Variants in PPP2R5C observed in about 807,000 individuals in gnomAD.
PPP2R5C encodes the protein serine/threonine-protein phosphatase 2A 56 kDa regulatory subunit gamma isoform.
Under a neutral mutation model 68.9 loss-of-function variants are expected in PPP2R5C, and 7 were observed. That is an observed-to-expected ratio of 0.10 (90% CI 0.06 to 0.19). The LOEUF (loss-of-function observed/expected upper bound fraction) is 0.19. PPP2R5C is among the 10% of genes least tolerant of loss of function. PPP2R5C has a pLI of 1.00. For missense variants in PPP2R5C, 348 were observed against 641.3 expected (o/e 0.54, Z 4.94); for synonymous variants, 210 against 222.2 (o/e 0.95, Z 0.49).
At chr14:101,919,992 A>G (rs969742531) in intron 13 of PPP2R5C, among the ~76,000 whole-genome samples, 3 of 149,110 alleles carry the variant, frequency 2.0e-5, no homozygotes, top group Admixed American at 2.0e-4. Context: ...AAAAAAAAAA[A>G]CCAATTCTTA....
At position 101,909,702 on chromosome 14, in the gene PPP2R5C, C is replaced by T; in HGVS notation, c.1253+12C>T. 2 of 1,547,036 alleles carry T rather than the reference C, an allele frequency of 1.3e-6. No individual in the cohort carries two copies. Among genetic ancestry groups the T allele is most frequent in the Non-Finnish European group, 1.8e-6 (2 of 1,123,620 alleles). ...GCAGAGAAACTAAAGTGAGTTGTTC[C>T]TTTCACAAGTTACTGTTTCCAGGAT... On this transcript the variant is annotated intron_variant, in intron 11 of 13. Transcript: ENST00000334743.
chr14:101,925,260 G>T, exon 14 of PPP2R5C: 2 of 1,613,064 alleles, frequency 1.2e-6, no homozygotes, highest in East Asian at 4.5e-5. Context: ...TGGCCTCCCA[G>T]GACGGCCGCT....
Position 101,883,315 on chromosome 14 carries a change from C to T in PPP2R5C, c.464C>T (p.Ala155Val), listed in dbSNP as rs748009220. 19 of 1,596,118 alleles carry T rather than the reference C, an allele frequency of 1.2e-5. No individual in the cohort carries two copies. Among genetic ancestry groups the T allele is most frequent in the East Asian group, 4.5e-5 (2 of 44,786 alleles). Residue 155 changes from alanine (A) to valine (V), a missense_variant, in exon 4 of 14, where the codon GCG becomes GTG. Physicochemically the swap from Ala to Val is moderately conservative, Grantham distance 64 (BLOSUM62 0). This residue lies in a region of PPP2R5C where 54 missense variants were observed against 201.8 expected (regional missense o/e 0.27). Transcript: ENST00000334743. ...TCTCCAGATTTCCAACCTAATATAG[C>T]GAAGAAATATATTGATCAGAAGTTT...
At chr14:101,777,977 C>T (rs2037506070) in intron 2 of PPP2R5C, among the ~76,000 whole-genome samples, 1 of 151,872 alleles carries the variant, frequency 6.6e-6, no homozygotes, top group Non-Finnish European at 1.5e-5. Flanking sequence ...ACTATATTGC[C>T]CAGACTGGTC....
At position 101,882,650 on chromosome 14, in the gene PPP2R5C, T is replaced by C. The variant is rs893028433; in HGVS notation, c.405+379T>C. ...CTGGCCACTGCCTTTCCCCAGGGCATTTGTAAGGCAGAAGGTTGGTTGGCA... is the reference window on the plus strand; with the variant it reads ...CTGGCCACTGCCTTTCCCCAGGGCACTTGTAAGGCAGAAGGTTGGTTGGCA... On this transcript the variant is annotated intron_variant, in intron 3 of 13. Transcript: ENST00000334743. This position sits in a 1 kb window ranked among gnomAD's most constrained non-coding sequence, Gnocchi z 4.9. 26 of 171,118 alleles carry C rather than the reference T, an allele frequency of 1.5e-4. No homozygotes were observed. Among genetic ancestry groups the C allele is most frequent in the African/African-American group, 4.8e-4 (20 of 42,096 alleles). 10.6% of individuals were successfully genotyped at this position (171,118 alleles called of 1,614,324 possible). A position where few individuals can be genotyped will look rare whatever the true frequency, so the allele number is the denominator to read the frequency against.
rs567467149 is a variant in PPP2R5C, at chr14:101,787,716, G to A, written c.259+1533G>A. 3.4e-5 allele frequency among the ~76,000 whole-genome samples: 5 copies of A among 146,100 alleles called. No individual in the cohort carries two copies. In the East Asian group the frequency reaches 1.0e-3, roughly 30 times the overall value. ...CGGGAGGCAGAGCTTGCAGTGAGCTGAGATCGTGCCACTGCACTCCAGCCT... is the reference window on the plus strand; with the variant it reads ...CGGGAGGCAGAGCTTGCAGTGAGCTAAGATCGTGCCACTGCACTCCAGCCT... On this transcript the variant is annotated intron_variant, in intron 3 of 14. Transcript: ENST00000328724.
exon 14 of PPP2R5C, chr14:101,926,800 C>T (rs993105972): frequency 2.0e-5 from 3 of 152,202 alleles, no homozygotes; most frequent in African/African-American, 7.2e-5. Context: ...ACTGCTGTCA[C>T]TTCAAGCCAC....
chr14:101,840,250 G>A (rs1190035400), intron 1 of PPP2R5C, among the ~76,000 whole-genome samples: 2 of 151,888 alleles, frequency 1.3e-5, no homozygotes, highest in East Asian at 3.9e-4. Context: ...CCCTCTCTGG[G>A]ATTTGCTGCT....
intron 1 of PPP2R5C, among the ~76,000 whole-genome samples, chr14:101,762,230 C>T (rs546465882): frequency 1.4e-4 from 21 of 152,046 alleles, no homozygotes; most frequent in Admixed American, 2.6e-4. Flanking sequence ...GAGGGGCGCC[C>T]GTTTCCGACA....
chr14:101,823,401 T>G (rs995093409), intron 1 of PPP2R5C, among the ~76,000 whole-genome samples: 1 of 152,136 alleles, frequency 6.6e-6, no homozygotes, highest in Non-Finnish European at 1.5e-5. Flanking sequence ...CTTCTAGGGT[T>G]TTTCAAAATA....
intron 2 of PPP2R5C, among the ~76,000 whole-genome samples, chr14:101,869,086 A>C (rs1013681283): frequency 6.6e-6 from 1 of 152,164 alleles, no homozygotes; most frequent in Non-Finnish European, 1.5e-5. Flanking sequence ...CTTTATGCTC[A>C]CTTTGTAGTC....
At chr14:101,905,010 C>T (rs1312645799) in intron 9 of PPP2R5C, among the ~76,000 whole-genome samples, 1 of 152,154 alleles carries the variant, frequency 6.6e-6, no homozygotes, top group Admixed American at 6.5e-5. Context: ...GGGAGGTGGG[C>T]ACTCATTATG....
At chr14:101,860,203 C>A (rs1463533960) in intron 2 of PPP2R5C, among the ~76,000 whole-genome samples, 1 of 152,160 alleles carries the variant, frequency 6.6e-6, no homozygotes, top group Admixed American at 6.6e-5. Flanking sequence ...GTTCCCTCCT[C>A]CCTCACCCAC....
intron 2 of PPP2R5C, among the ~76,000 whole-genome samples, chr14:101,775,717 A>C: frequency 6.6e-6 from 1 of 152,192 alleles, no homozygotes; most frequent in Admixed American, 6.5e-5. Flanking sequence ...CAGGGCCAGC[A>C]GTCCACCTAC....
At chr14:101,871,818 T>G (rs2043437392) in intron 2 of PPP2R5C, among the ~76,000 whole-genome samples, 1 of 152,162 alleles carries the variant, frequency 6.6e-6, no homozygotes, top group African/African-American at 2.4e-5. Context: ...GAACACACCT[T>G]TAACTTATCA....
intron 2 of PPP2R5C, among the ~76,000 whole-genome samples, chr14:101,784,975 C>G (rs1162697025): frequency 6.6e-6 from 1 of 152,136 alleles, no homozygotes; most frequent in Admixed American, 6.5e-5. Context: ...ACAGGGGACC[C>G]CTGGTTCCTC....
intron 1 of PPP2R5C, among the ~76,000 whole-genome samples, chr14:101,821,526 A>C (rs114980283): frequency 6.6e-6 from 1 of 151,112 alleles, no homozygotes; most frequent in African/African-American, 2.4e-5. Context: ...TTATTCACAG[A>C]GTATATAGCA....
chr14:101,854,836 A>G (rs1303304427), intron 1 of PPP2R5C, among the ~76,000 whole-genome samples: 1 of 152,212 alleles, frequency 6.6e-6, no homozygotes, highest in Non-Finnish European at 1.5e-5. Flanking sequence ...AATATAATAA[A>G]CATATTACAT....
At chr14:101,901,667 G>A in intron 8 of PPP2R5C, 52 bp from the exon 11 acceptor site, 1 of 1,575,878 alleles carries the variant, frequency 6.3e-7, no homozygotes. Flanking sequence ...TTACCATGCA[G>A]GTGTTGGGGC....
Sources: gnomAD v4.1 joint callset for allele counts (sites outside exome capture counted in the v4.1 genomes callset) on GRCh38, gnomAD v4.1.1 for gene constraint, gnomAD v4.1.1 regional missense constraint, Gnocchi (gnomAD v3.1) non-coding constraint, MANE v1.5 for transcripts, NCBI Gene and HGNC (gene_info 2026-07-23, HGNC 2026-07-21) for gene names.